The following NR6A1 variants were observed in gnomAD, a reference collection of about 807,000 sequenced individuals.
NR6A1 encodes nuclear receptor subfamily 6 group A member 1, also known as retinoic acid receptor-related testis-associated receptor.
Under a neutral mutation model 59.1 loss-of-function variants are expected in NR6A1, and 7 were observed. That is an observed-to-expected ratio of 0.12 (90% confidence interval 0.07 to 0.22). The LOEUF (loss-of-function observed/expected upper bound fraction) is 0.22. Among genes scored for constraint, NR6A1 ranks in the 10% least tolerant of loss-of-function variants. The pLI is 1.00. For synonymous variants in NR6A1, 243 were observed against 236.1 expected (o/e 1.03, Z -0.27); for missense variants, 468 against 611.6 (o/e 0.77, Z 2.48).
At chr9:124,570,161 A>G (rs1394495564) in intron 2 of NR6A1, among the ~76,000 whole-genome samples, 2 of 152,216 alleles carry the variant, frequency 1.3e-5, no homozygotes, top group African/African-American at 4.8e-5. Flanking sequence ...ATTTACTGAG[A>G]TGAATACATA....
intron 2 of NR6A1, among the ~76,000 whole-genome samples, chr9:124,642,143 G>T (rs1836784686): frequency 6.6e-6 from 1 of 152,122 alleles, no homozygotes; most frequent in Admixed American, 6.5e-5. Context: ...CTGCCTCCTG[G>T]GTTCAAGCCA....
chr9:124,682,908 C>T (rs1838213035), intron 2 of NR6A1, among the ~76,000 whole-genome samples: 1 of 152,074 alleles, frequency 6.6e-6, no homozygotes. Flanking sequence ...ATAGCACAGT[C>T]AAGACTTGAA....
At chr9:124,750,072 G>A (rs117719791) in intron 1 of NR6A1, among the ~76,000 whole-genome samples, 6 of 152,306 alleles carry the variant, frequency 3.9e-5, no homozygotes, top group Non-Finnish European at 8.8e-5. Context: ...TATTTGTAAG[G>A]TCAGCAAGGC....
rs1468991684 is a variant in NR6A1 at position 124,522,732 on chromosome 9, G to A, written c.1416C>T (p.Ser472=). 1.3e-6 allele frequency: 2 copies of A among 1,590,032 alleles called. No individual in the cohort carries two copies. The highest frequency in any genetic ancestry group is 3.5e-5 in the Admixed American group (2 of 57,304). Reference sequence around the variant, plus strand: ...ATTCCTTGCCCACACTGGTCTTGCAGGAATGCAGCACCACCTTAAAGAGGA... The same window carrying A: ...ATTCCTTGCCCACACTGGTCTTGCAAGAATGCAGCACCACCTTAAAGAGGA... ...LPLLFKVVLH[S]CKTSVGKE Residue 472 remains serine (S), a synonymous_variant, in exon 10 of 10, where the codon TCC becomes TCT. Transcript: ENST00000487099.
intron 1 of NR6A1, among the ~76,000 whole-genome samples, chr9:124,757,710 G>A (rs1840673490): frequency 6.6e-6 from 1 of 152,164 alleles, no homozygotes; most frequent in Non-Finnish European, 1.5e-5. Context: ...AATATACGAT[G>A]CAGCTGTATC....
chr9:124,567,260 A>T (rs1834285624), intron 2 of NR6A1, among the ~76,000 whole-genome samples: 1 of 152,182 alleles, frequency 6.6e-6, no homozygotes, highest in Non-Finnish European at 1.5e-5. Context: ...ATGGGAACAG[A>T]TCAGAACTCC....
chr9:124,655,713 C>T (rs1259232521), intron 2 of NR6A1, among the ~76,000 whole-genome samples: 1 of 152,140 alleles, frequency 6.6e-6, no homozygotes, highest in Non-Finnish European at 1.5e-5. Context: ...TCTAGCAAAC[C>T]TGATGTTAGG....
At chr9:124,590,245 C>T (rs959139348) in intron 2 of NR6A1, among the ~76,000 whole-genome samples, 2 of 151,780 alleles carry the variant, frequency 1.3e-5, no homozygotes, top group Admixed American at 1.3e-4. Flanking sequence ...TAATTCAGGC[C>T]TCTAATTTTA....
At chr9:124,628,600 C>G (rs1338729523) in intron 2 of NR6A1, among the ~76,000 whole-genome samples, 3 of 150,696 alleles carry the variant, frequency 2.0e-5, no homozygotes, top group African/African-American at 7.3e-5. Context: ...CCTTGGCTCC[C>G]AAAGTGCTGG....
At chr9:124,701,247 T>C (rs538832340) in intron 2 of NR6A1, among the ~76,000 whole-genome samples, 4 of 152,246 alleles carry the variant, frequency 2.6e-5, no homozygotes, top group Non-Finnish European at 5.9e-5. Context: ...TAGAACATTT[T>C]GACAGTCTTT....
At chr9:124,749,653 C>T (rs766790506) in intron 1 of NR6A1, among the ~76,000 whole-genome samples, 1 of 152,126 alleles carries the variant, frequency 6.6e-6, no homozygotes, top group Non-Finnish European at 1.5e-5. Flanking sequence ...CCTCGAACTT[C>T]TGACTCAAGC....
intron 2 of NR6A1, among the ~76,000 whole-genome samples, chr9:124,618,174 G>A (rs1341710196): frequency 1.3e-5 from 2 of 152,112 alleles, no homozygotes; most frequent in African/African-American, 4.8e-5. Context: ...GATACTGTAA[G>A]CAGCAATGAG....
intron 2 of NR6A1, among the ~76,000 whole-genome samples, chr9:124,611,068 GA>G: frequency 6.6e-6 from 1 of 151,852 alleles, no homozygotes; most frequent in Non-Finnish European, 1.5e-5. Flanking sequence ...TTACTGTGCG[GA>G]AGGAGGAGGC....
At chr9:124,648,719 A>C (rs1837008859) in intron 2 of NR6A1, among the ~76,000 whole-genome samples, 1 of 151,898 alleles carries the variant, frequency 6.6e-6, no homozygotes, top group Admixed American at 6.6e-5. Flanking sequence ...AAAAAAAAAA[A>C]GGCATTAGAA....
intron 2 of NR6A1, among the ~76,000 whole-genome samples, chr9:124,728,193 A>AT (rs578136557): frequency 0.012 from 1,724 of 142,002 alleles, 33 homozygotes; most frequent in African/African-American, 0.042. Context: ...CACCTGGCTA[A>AT]TTTTTTTTTG....
chr9:124,711,075 T>C lies in NR6A1; in HGVS notation c.142+22233A>G, dbSNP rs912696250. ...AATTGTTAAAGCGCATCTATCATCC[T>C]TACTCCAAGCCTATTTGTACATAAT... On this transcript the variant is annotated intron_variant, in intron 2 of 9. Coordinates refer to ENST00000487099, the MANE Select transcript of NR6A1 (RefSeq NM_033334.4). Among the ~76,000 whole-genome samples, 85 of 151,700 alleles carry C rather than the reference T, an allele frequency of 5.6e-4. 2 individuals are homozygous for C. Among genetic ancestry groups the C allele is most frequent in the Non-Finnish European group, 1.2e-4 (8 of 67,966 alleles).
intron 2 of NR6A1, among the ~76,000 whole-genome samples, chr9:124,583,405 C>T (rs1834829541): frequency 6.6e-6 from 1 of 152,176 alleles, no homozygotes; most frequent in South Asian, 2.1e-4. Context: ...GCATGCTCTC[C>T]CTAAATCCCA....
At position 124,697,676 on chromosome 9, in the gene NR6A1, T is replaced by A. The variant is rs576516913; in HGVS notation, c.142+35632A>T. Among the ~76,000 whole-genome samples the A allele has an allele frequency of 2.6e-4, 35 of 135,094 alleles. No individual in the cohort carries two copies. In the South Asian group the frequency reaches 5.0e-3, roughly 19 times the overall value. 88.6% of individuals were successfully genotyped at this position (135,094 alleles called of 152,430 possible). A position where few individuals can be genotyped will look rare whatever the true frequency, so the allele number is the denominator to read the frequency against. On this transcript the variant is annotated intron_variant, in intron 2 of 9. Coordinates refer to ENST00000487099, the MANE Select transcript of NR6A1 (RefSeq NM_033334.4). ...CAAGGCCAGAAAAGAAGGTAGGATT[T>A]AAAAAAAAAAAAAACAGATTACTAA...
chr9:124,719,191 C>T (rs1166848505), intron 2 of NR6A1, among the ~76,000 whole-genome samples: 1 of 151,808 alleles, frequency 6.6e-6, no homozygotes, highest in Non-Finnish European at 1.5e-5. Flanking sequence ...CCTCGACCTC[C>T]CAGGACCAAG....
Sources: gnomAD v4.1 joint callset for allele counts (sites outside exome capture counted in the v4.1 genomes callset) on GRCh38, gnomAD v4.1.1 for gene constraint, MANE v1.5 for transcripts, NCBI Gene and HGNC (gene_info 2026-07-23, HGNC 2026-07-21) for gene names.